SENP6: variants seen among roughly 807,000 people sequenced by gnomAD.
SENP6 encodes the protein SUMO specific peptidase 6.
A neutral mutation model predicts 134.5 loss-of-function variants in SENP6; 41 were observed. The observed-to-expected ratio is 0.30, with a 90% CI of 0.24 to 0.40. The LOEUF is 0.40. SENP6 is among the 10% of genes least tolerant of loss of function. The pLI, the probability that SENP6 is intolerant of heterozygous loss-of-function variation, is 1.00. For synonymous variants in SENP6, 395 were observed against 429.8 expected, an observed-to-expected ratio of 0.92 and a Z score of 1.00; for missense variants, 1,248 against 1,312.5, an observed-to-expected ratio of 0.95 and a Z score of 0.76.
chr6:75,636,860 T>C (rs1262505996), intron 5 of SENP6, among the ~76,000 whole-genome samples: 2 of 147,866 alleles, frequency 1.4e-5, no homozygotes, highest in South Asian at 2.2e-4. Flanking sequence ...AATTTTCTTA[T>C]TTTCTGAAGT....
chr6:75,667,504 A>C (rs1199833546), intron 10 of SENP6, among the ~76,000 whole-genome samples: 1 of 152,196 alleles, frequency 6.6e-6, no homozygotes, highest in Admixed American at 6.5e-5. Flanking sequence ...TACCACATGA[A>C]AAGTGCAAAT....
intron 1 of SENP6, among the ~76,000 whole-genome samples, chr6:75,613,419 C>T (rs2149822093): frequency 6.6e-6 from 1 of 152,170 alleles, no homozygotes; most frequent in East Asian, 1.9e-4. Flanking sequence ...ACCGTCTGGC[C>T]TTTTACAGAA....
At chr6:75,619,445 A>ATGTGTGTGTGTGTGTGTG (rs61131437) in intron 1 of SENP6, among the ~76,000 whole-genome samples, 1 of 149,248 alleles carries the variant, frequency 6.7e-6, no homozygotes, top group African/African-American at 2.5e-5. Context: ...CGTTGTGTCT[A>ATGTGTGTGTGTGTGTGTG]TGTGTGTGTG....
chr6:75,699,905 T>C (rs1582889764), intron 18 of SENP6, among the ~76,000 whole-genome samples: 2 of 152,314 alleles, frequency 1.3e-5, no homozygotes, highest in East Asian at 3.9e-4. Flanking sequence ...CTAGGTATTT[T>C]CTTTTGTTTT....
In SENP6 at chr6:75,715,334, T is replaced by C. The variant is rs778863856; in HGVS notation, c.3130-51T>C. ...CTTCGGAATGTTTCTGTGATTGAAA[T>C]GAAAGGTTATTTATTACAGTTTTCT... On this transcript the variant is annotated intron_variant, in intron 23 of 23. Transcript: ENST00000447266. The C allele has an allele frequency of 3.1e-6, 4 of 1,307,414 alleles. No homozygotes were observed. The African/African-American group carries it at 4.5e-5, about 15-fold the overall frequency. 81.0% of individuals were successfully genotyped at this position (1,307,414 alleles called of 1,614,324 possible). A position where few individuals can be genotyped will look rare whatever the true frequency, so the allele number is the denominator to read the frequency against.
intron 16 of SENP6, among the ~76,000 whole-genome samples, chr6:75,689,954 G>A (rs950725972): frequency 1.3e-5 from 2 of 152,040 alleles, no homozygotes; most frequent in African/African-American, 4.8e-5. Flanking sequence ...GTCTCATTCT[G>A]TCACCCATGA....
intron 9 of SENP6, among the ~76,000 whole-genome samples, chr6:75,664,325 G>A (rs2149866360): frequency 6.6e-6 from 1 of 151,552 alleles, no homozygotes; most frequent in African/African-American, 2.4e-5. Context: ...ATATATACTT[G>A]TGTAGTTTTT....
chr6:75,659,211 C>G, intron 7 of SENP6, 51 bp from the exon 8 acceptor site: 1 of 1,368,342 alleles, frequency 7.3e-7, no homozygotes, highest in African/African-American at 1.5e-5. Flanking sequence ...TGCTGAAACA[C>G]TAGCTTATTT....
intron 23 of SENP6, 60 bp from the exon 24 acceptor site, chr6:75,715,325 T>C: frequency 8.1e-7 from 1 of 1,234,458 alleles, no homozygotes. Flanking sequence ...AATGTTTCTG[T>C]GATTGAAATG....
At chr6:75,673,759 G>A (rs899959740) in intron 11 of SENP6, among the ~76,000 whole-genome samples, 6 of 152,038 alleles carry the variant, frequency 3.9e-5, no homozygotes, top group African/African-American at 1.4e-4. Flanking sequence ...CAGGTGTGGT[G>A]GCTGTAATCC....
intron 14 of SENP6, 35 bp from the exon 15 acceptor site, chr6:75,678,548 T>C (rs1346981637): frequency 7.0e-6 from 7 of 1,004,318 alleles, no homozygotes; most frequent in Non-Finnish European, 1.1e-5. Flanking sequence ...TTTTCCTAAT[T>C]GACTGTAAAT....
chr6:75,682,432 A>G (rs1277124547), intron 16 of SENP6, among the ~76,000 whole-genome samples: 4 of 151,522 alleles, frequency 2.6e-5, no homozygotes, highest in African/African-American at 9.7e-5. Flanking sequence ...ATACTTTAAG[A>G]TCTATGGTAC....
intron 3 of SENP6, among the ~76,000 whole-genome samples, 167 bp from the exon 4 acceptor site, chr6:75,633,413 GA>G (rs756325031): frequency 4.7e-5 from 7 of 150,286 alleles, no homozygotes; most frequent in African/African-American, 9.8e-5. Context: ...TTGTCTTTAG[GA>G]AAAAAAAAGT....
chr6:75,713,602 G>C, intron 22 of SENP6, 21 bp downstream of exon 22: 1 of 1,607,972 alleles, frequency 6.2e-7, no homozygotes, highest in Non-Finnish European at 8.5e-7. Flanking sequence ...ACTTTATTTC[G>C]TATTCTGATG....
chr6:75,705,379 TA>T (rs1186552638), intron 19 of SENP6, among the ~76,000 whole-genome samples: 1 of 152,018 alleles, frequency 6.6e-6, no homozygotes, highest in Non-Finnish European at 1.5e-5. Flanking sequence ...ACCCCATCTC[TA>T]CTAAAAATAC....
At chr6:75,704,513 C>T (rs1775257826) in intron 19 of SENP6, among the ~76,000 whole-genome samples, 1 of 152,234 alleles carries the variant, frequency 6.6e-6, no homozygotes. Context: ...CGGTTTTTCT[C>T]CTATCTCAGA....
intron 1 of SENP6, among the ~76,000 whole-genome samples, chr6:75,603,251 AAGT>A (rs1766774910): frequency 6.6e-6 from 1 of 152,206 alleles, no homozygotes; most frequent in South Asian, 2.1e-4. Flanking sequence ...CATTTGCTGT[AAGT>A]AGACTAAGCC....
At chr6:75,689,062 G>A (rs889402122) in intron 16 of SENP6, among the ~76,000 whole-genome samples, 2 of 151,966 alleles carry the variant, frequency 1.3e-5, no homozygotes, top group South Asian at 2.1e-4. Context: ...GTGAAACTCC[G>A]TCTCAAGAAA....
At chr6:75,680,607 T>G (rs1773397833) in intron 16 of SENP6, among the ~76,000 whole-genome samples, 2 of 152,124 alleles carry the variant, frequency 1.3e-5, no homozygotes, top group Admixed American at 1.3e-4. Flanking sequence ...ATACTCAGTG[T>G]TAACAATATA....
Sources: gnomAD v4.1 joint callset for allele counts (sites outside exome capture counted in the v4.1 genomes callset) on GRCh38, gnomAD v4.1.1 for gene constraint, MANE v1.5 for transcripts, NCBI Gene and HGNC (gene_info 2026-07-23, HGNC 2026-07-21) for gene names.